RNMT: variants seen among roughly 807,000 people sequenced by gnomAD.
RNMT encodes RNA guanine-7 methyltransferase.
In RNMT, 27 loss-of-function variants were observed where a neutral mutation model predicts 56.0. That is an observed-to-expected ratio of 0.48 (90% CI 0.36 to 0.67). The LOEUF is 0.67. Among genes scored for constraint, RNMT ranks in the 30% least tolerant of loss-of-function variants. The pLI is 0.00. For missense variants in RNMT, 519 were observed against 552.1 expected, an observed-to-expected ratio of 0.94 and a Z score of 0.60; for synonymous variants, 184 against 176.2, an observed-to-expected ratio of 1.04 and a Z score of -0.35.
chr18:13,738,066 C>T (rs145430059), intron 5 of RNMT, among the ~76,000 whole-genome samples: 3 of 152,056 alleles, frequency 2.0e-5, no homozygotes, highest in African/African-American at 4.8e-5. Flanking sequence ...GACAAGCAGA[C>T]GTCAGCGTCT....
intron 5 of RNMT, among the ~76,000 whole-genome samples, chr18:13,739,966 T>C (rs541913119): frequency 1.3e-5 from 2 of 152,220 alleles, no homozygotes; most frequent in Non-Finnish European, 2.9e-5. Context: ...CGTCCGTACC[T>C]ATTGAGACGC....
chr18:13,754,141 G>T lies in RNMT; in HGVS notation c.1387G>T (p.Ala463Ser). Reference protein sequence around the residue: ...LGTLSKSEWEATSIYLVFAFE... With the variant: ...LGTLSKSEWESTSIYLVFAFE... ...AACCTTAAGTAAATCAGAATGGGAA[G>T]CTACAAGTGAGTATATCATCAGCAT... The change falls in exon 11 of 12, where the codon GCT becomes TCT. Residue 463 changes from alanine (A) to serine (S), a missense_variant. Coordinates refer to ENST00000383314, the MANE Select transcript of RNMT (RefSeq NM_003799.3). The T allele has an allele frequency of 6.4e-7, 1 of 1,565,432 alleles. No individual in the cohort carries two copies. Among genetic ancestry groups the T allele is most frequent in the Non-Finnish European group, 8.8e-7 (1 of 1,137,646 alleles).
chr18:13,753,816 T>C (rs1598427898), intron 10 of RNMT, among the ~76,000 whole-genome samples: 3 of 144,410 alleles, frequency 2.1e-5, no homozygotes, highest in Non-Finnish European at 3.0e-5. Flanking sequence ...ATTTTCCAGT[T>C]ACACACACAC....
chr18:13,728,752 A>C (rs1184425197), intron 1 of RNMT, among the ~76,000 whole-genome samples: 2 of 151,894 alleles, frequency 1.3e-5, no homozygotes, highest in African/African-American at 4.8e-5. Flanking sequence ...AGCATTTTTT[A>C]CGTATATACC....
chr18:13,743,679 A>AT (rs2044297076), intron 8 of RNMT, among the ~76,000 whole-genome samples: 1 of 151,916 alleles, frequency 6.6e-6, no homozygotes, highest in Non-Finnish European at 1.5e-5. Flanking sequence ...ATTGAACTTG[A>AT]TTTTCTACTT....
chr18:13,746,418 G>C (rs2044353474), intron 9 of RNMT, 81 bp downstream of exon 9: 1 of 807,032 alleles, frequency 1.2e-6, no homozygotes, highest in Admixed American at 2.2e-5. Context: ...AAGGCCATCT[G>C]AACATGAAAT....
At chr18:13,754,340 T>C (rs2044507556) in intron 11 of RNMT, among the ~76,000 whole-genome samples, 193 bp downstream of exon 11, 1 of 152,040 alleles carries the variant, frequency 6.6e-6, no homozygotes, top group Non-Finnish European at 1.5e-5. Context: ...TGCTTGTCTC[T>C]ACCAAAAATA....
Position 13,761,570 on chromosome 18 carries a change from T to C in RNMT, c.*1591T>C. ...AAACCTCTTCCACGCCATGGGTAAC[T>C]TGGGGGAGAGAAGAATCCTCCAAAC... On this transcript the variant is annotated 3_prime_UTR_variant, in exon 12 of 12. Coordinates refer to ENST00000383314, the MANE Select transcript of RNMT (RefSeq NM_003799.3). The C allele has an allele frequency of 2.0e-6, 2 of 992,772 alleles. No individual in the cohort carries two copies. Among genetic ancestry groups the C allele is most frequent in the Non-Finnish European group, 2.4e-6 (2 of 834,042 alleles). The allele number at this position is 992,772 out of a possible 1,614,324, so 61.5% of individuals were successfully genotyped here.
chr18:13,731,855 C>T lies in RNMT; in HGVS notation c.338C>T (p.Pro113Leu), dbSNP rs2044075968. ...AGAAAAAGAGAAACTGAGGATGTTC[C>T]AAAAGATAAATCTTCTACTGGAGAT... The part of the protein sequence containing the change: ...KKRKRETEDV[P>L]KDKSSTGDGT... Residue 113 changes from proline (P) to leucine (L), a missense_variant, in exon 3 of 12, where the codon CCA (proline) becomes CTA (leucine). By Grantham distance (98) the Pro-to-Leu change is moderately conservative. Transcript: ENST00000383314. The T allele has an allele frequency of 6.2e-7, 1 of 1,612,648 alleles. No individual in the cohort carries two copies. Among genetic ancestry groups the T allele is most frequent in the Non-Finnish European group, 8.5e-7 (1 of 1,179,700 alleles).
chr18:13,750,596 T>G (rs992813050), intron 9 of RNMT, among the ~76,000 whole-genome samples: 6 of 152,048 alleles, frequency 3.9e-5, no homozygotes, highest in Non-Finnish European at 5.9e-5. Context: ...GACCAGAAAT[T>G]TAAGACCAGC....
intron 5 of RNMT, among the ~76,000 whole-genome samples, chr18:13,738,448 G>A (rs553862448): frequency 6.6e-6 from 1 of 152,212 alleles, no homozygotes; most frequent in East Asian, 1.9e-4. Flanking sequence ...TATTTTAATA[G>A]CCTTTTTTGA....
intron 11 of RNMT, among the ~76,000 whole-genome samples, chr18:13,756,425 G>A (rs552592124): frequency 6.6e-6 from 1 of 152,230 alleles, no homozygotes; most frequent in South Asian, 2.1e-4. Context: ...TGGGTGTGTG[G>A]GGGGTGGGAT....
chr18:13,744,814 C>T (rs1170144671), intron 8 of RNMT, among the ~76,000 whole-genome samples: 1 of 152,166 alleles, frequency 6.6e-6, no homozygotes, highest in African/African-American at 2.4e-5. Context: ...TCCACTCTTC[C>T]TTTAACTGCT....
intron 8 of RNMT, among the ~76,000 whole-genome samples, chr18:13,745,916 T>C (rs1313178190): frequency 2.0e-5 from 3 of 152,162 alleles, no homozygotes; most frequent in Non-Finnish European, 2.9e-5. Flanking sequence ...TAAAGTGAAA[T>C]GGAATCAGTA....
At chr18:13,744,442 A>G (rs2044319147) in intron 8 of RNMT, among the ~76,000 whole-genome samples, 2 of 151,970 alleles carry the variant, frequency 1.3e-5, no homozygotes, top group Non-Finnish European at 2.9e-5. Context: ...CTAAAGGGTT[A>G]TTTTAGAGAT....
chr18:13,737,555 A>G (rs2044182962), intron 5 of RNMT, among the ~76,000 whole-genome samples: 1 of 152,078 alleles, frequency 6.6e-6, no homozygotes, highest in African/African-American at 2.4e-5. Context: ...AAAAAAAAAA[A>G]TTAGTTACAA....
At position 13,746,302 on chromosome 18, in the gene RNMT, A is replaced by C. The variant is rs1200767109; in HGVS notation, c.1222A>C (p.Asn408His). The change falls in exon 9 of 12, where the codon AAT (asparagine) becomes CAT (histidine). Residue 408 changes from asparagine to histidine, a missense_variant. Physicochemically the swap from Asn to His is moderately conservative, Grantham distance 68. Coordinates refer to ENST00000383314, the MANE Select transcript of RNMT (RefSeq NM_003799.3). ...FYEEKIKNNE[N>H]KMLLKRMQAL... ...CGAAGAAAAGATTAAGAACAATGAA[A>C]ATAAAATGCTCTTAAAACGAATGCA... 6.4e-7 allele frequency: 1 copy of C among 1,571,960 alleles called. No homozygotes were observed. Among genetic ancestry groups the C allele is most frequent in the Admixed American group, 1.9e-5 (1 of 53,790 alleles).
At chr18:13,759,886 T>A (rs185645779) in intron 11 of RNMT, 56 bp from the exon 12 acceptor site, 3 of 1,461,006 alleles carry the variant, frequency 2.1e-6, no homozygotes, top group Non-Finnish European at 2.9e-6. Flanking sequence ...CAAGACAGAT[T>A]GTTTTATTTA....
intron 5 of RNMT, among the ~76,000 whole-genome samples, chr18:13,737,953 T>A (rs1427138020): frequency 6.6e-6 from 1 of 152,124 alleles, no homozygotes; most frequent in Non-Finnish European, 1.5e-5. Flanking sequence ...GCAATAATTT[T>A]TTTTTTTTGC....
Sources: gnomAD v4.1 joint callset for allele counts (sites outside exome capture counted in the v4.1 genomes callset) on GRCh38, gnomAD v4.1.1 for gene constraint, MANE v1.5 for transcripts, NCBI Gene and HGNC (gene_info 2026-07-23, HGNC 2026-07-21) for gene names.